Variants in CYP46A1 observed in about 807,000 individuals in gnomAD.
CYP46A1 encodes the protein cytochrome P450 family 46 subfamily A member 1.
Under a neutral mutation model 63.3 loss-of-function variants are expected in CYP46A1, and 20 were observed. The ratio of observed to expected loss-of-function variants is 0.32; its 90% CI spans 0.22 to 0.46. The LOEUF (loss-of-function observed/expected upper bound fraction) is 0.46, where lower values mean the gene tolerates loss of function less well. Among genes scored for constraint, CYP46A1 ranks in the 20% least tolerant of loss-of-function variants. The pLI, the probability that CYP46A1 is intolerant of heterozygous loss-of-function variation, is 1.00. For synonymous variants in CYP46A1, 268 were observed against 273.6 expected (o/e 0.98, Z 0.20); for missense variants, 445 against 670.8 (o/e 0.66, Z 3.72).
In CYP46A1 at chr14:99,726,738, AG is replaced by A. The variant is rs1457771071; in HGVS notation, c.*13del. 12 of 1,505,016 alleles carry A rather than the reference AG, an allele frequency of 8.0e-6. No homozygotes were observed. Among genetic ancestry groups the A allele is most frequent in the Non-Finnish European group, 1.1e-5 (12 of 1,123,914 alleles). The allele number at this position is 1,505,016 out of a possible 1,614,324, so 93.2% of individuals were successfully genotyped here. ...CCACCCCCCTGCTGAGGGGGCCTCC[AG>A]GCAGGACGAGACTCCTCGGGCAAGG... On this transcript the variant is annotated 3_prime_UTR_variant, in exon 15 of 15. Transcript: ENST00000261835.
intron 1 of CYP46A1, among the ~76,000 whole-genome samples, chr14:99,688,917 T>A (rs2056519634): frequency 6.6e-6 from 1 of 152,126 alleles, no homozygotes; most frequent in Admixed American, 6.6e-5. Flanking sequence ...TCCCGCATCC[T>A]CCTCTGGCTT....
intron 5 of CYP46A1, among the ~76,000 whole-genome samples, chr14:99,702,715 A>G (rs916698133): frequency 3.3e-5 from 5 of 152,058 alleles, no homozygotes; most frequent in African/African-American, 9.7e-5. Flanking sequence ...TATTTTTTAT[A>G]TAGTACATAT....
intron 5 of CYP46A1, among the ~76,000 whole-genome samples, chr14:99,704,699 C>T (rs997787870): frequency 1.2e-4 from 18 of 152,172 alleles, no homozygotes; most frequent in Non-Finnish European, 2.4e-4. Flanking sequence ...TTTAAAAAGA[C>T]AACTACAAAT....
intron 10 of CYP46A1, among the ~76,000 whole-genome samples, chr14:99,720,227 C>T (rs1478724848): frequency 6.6e-6 from 1 of 152,112 alleles, no homozygotes; most frequent in East Asian, 1.9e-4. Context: ...TAAGTCCCTG[C>T]TTTCAGTTGT....
At chr14:99,685,705 T>C (rs1306836986) in intron 1 of CYP46A1, among the ~76,000 whole-genome samples, 1 of 152,028 alleles carries the variant, frequency 6.6e-6, no homozygotes, top group Non-Finnish European at 1.5e-5. Context: ...ACAAGCCAGA[T>C]GTACTGGCGT....
rs2056857402 is a variant in CYP46A1, at chr14:99,722,606, C to A, written c.1176+540C>A. ...ATATAGTCACTCCCTGCTCCGCTGA[C>A]AAGGAATCACTAATCTGAATTGTGT... On this transcript the variant is annotated intron_variant, in intron 12 of 14. Coordinates refer to ENST00000261835, the MANE Select transcript of CYP46A1 (RefSeq NM_006668.2). The surrounding 1 kb of genome is among the most constrained non-coding windows in gnomAD (Gnocchi z 4.6). Among the ~76,000 whole-genome samples, 1 of 150,238 alleles carries A rather than the reference C, an allele frequency of 6.7e-6. No individual in the cohort carries two copies. Among genetic ancestry groups the A allele is most frequent in the Admixed American group, 6.7e-5 (1 of 14,976 alleles).
At position 99,721,311 on chromosome 14, in the gene CYP46A1, G is replaced by A. The variant is rs370665505; in HGVS notation, c.1053G>A (p.Gln351=). 21 of 1,611,292 alleles carry A rather than the reference G, an allele frequency of 1.3e-5. No homozygotes were observed. The African/African-American group carries it at 2.7e-4, about 20-fold the overall frequency. The part of the protein sequence containing the change: ...YLDFEDLGRL[Q]YLSQVLKESL... ...ATTTCGAGGACCTGGGGAGACTGCA[G>A]TACCTGTCCCAGGTGTGGGAAGTAG... The change falls in exon 11 of 15, where the codon CAG becomes CAA. Residue 351 remains glutamine, a synonymous_variant. Coordinates refer to ENST00000261835, the MANE Select transcript of CYP46A1 (RefSeq NM_006668.2).
chr14:99,702,831 TATTA>T (rs1282792363), intron 5 of CYP46A1, among the ~76,000 whole-genome samples: 1 of 152,228 alleles, frequency 6.6e-6, no homozygotes, highest in African/African-American at 2.4e-5. Flanking sequence ...AAATTAATAA[TATTA>T]ATCTAATACT....
At chr14:99,726,338 C>T (rs907624362) in intron 14 of CYP46A1, 82 bp downstream of exon 14, 16 of 1,470,538 alleles carry the variant, frequency 1.1e-5, no homozygotes, top group South Asian at 1.1e-4. Context: ...CATCTCCGAA[C>T]CCCTGCTCTG....
intron 3 of CYP46A1, chr14:99,695,494 G>T: frequency 2.6e-6 from 1 of 378,352 alleles, no homozygotes; most frequent in Non-Finnish European, 5.3e-6. Context: ...CATTTAGGAT[G>T]GATTTGTCTT....
At chr14:99,693,363 C>T (rs577808011) in intron 3 of CYP46A1, 90 of 152,252 alleles carry the variant, frequency 5.9e-4, no homozygotes, top group African/African-American at 2.1e-3. Flanking sequence ...TAAAAGCATG[C>T]TACCAAAAAC....
At position 99,716,594 on chromosome 14, in the gene CYP46A1, G is replaced by A. The variant is rs539203082; in HGVS notation, c.907+395G>A. 1.4e-4 allele frequency among the ~76,000 whole-genome samples: 21 copies of A among 152,342 alleles called. No individual in the cohort carries two copies. In the East Asian group the frequency reaches 1.7e-3, roughly 13 times the overall value. On this transcript the variant is annotated intron_variant, in intron 9 of 14. Transcript: ENST00000261835. ...TCACCTAGAAGACTCCTCTTCAGCCGTCAGTGAGCCCTCGCATGCCTCCTC... is the reference window on the plus strand; with the variant it reads ...TCACCTAGAAGACTCCTCTTCAGCCATCAGTGAGCCCTCGCATGCCTCCTC...
At chr14:99,699,903 A>T in intron 4 of CYP46A1, 112 bp from the exon 5 acceptor site, 4 of 744,422 alleles carry the variant, frequency 5.4e-6, no homozygotes, top group South Asian at 1.8e-5. Context: ...AACCGTCGCC[A>T]CCGCCTAGCT....
At chr14:99,698,335 C>G (rs115769425) in intron 3 of CYP46A1, among the ~76,000 whole-genome samples, 1 of 152,086 alleles carries the variant, frequency 6.6e-6, no homozygotes, top group Admixed American at 6.5e-5. Context: ...CCCCTCTCTC[C>G]GCAGCAAATT....
chr14:99,721,019 G>A (rs367711083), intron 10 of CYP46A1, among the ~76,000 whole-genome samples: 2 of 151,702 alleles, frequency 1.3e-5, no homozygotes, highest in South Asian at 4.2e-4. Flanking sequence ...CTGGGGGGAG[G>A]GCGGAGGTTG....
intron 1 of CYP46A1, among the ~76,000 whole-genome samples, chr14:99,687,215 A>G (rs1244952901): frequency 6.6e-6 from 1 of 152,196 alleles, no homozygotes; most frequent in East Asian, 1.9e-4. Context: ...GATCCCACAC[A>G]AACACCTGTA....
At chr14:99,699,954 A>G (rs1249313240) in intron 4 of CYP46A1, 61 bp from the exon 5 acceptor site, 9 of 919,590 alleles carry the variant, frequency 9.8e-6, no homozygotes, top group Non-Finnish European at 1.7e-6. Flanking sequence ...CCCCAAGCCC[A>G]TCAAGCAGTC....
chr14:99,692,198 G>T (rs1047961814), intron 3 of CYP46A1, among the ~76,000 whole-genome samples: 1 of 152,144 alleles, frequency 6.6e-6, no homozygotes, highest in African/African-American at 2.4e-5. Flanking sequence ...TATCTCCAGG[G>T]CTATGATAAG....
Position 99,721,318 on chromosome 14 carries a change from T to G in CYP46A1, c.1060T>G (p.Ser354Ala). 1 of 1,607,316 alleles carries G rather than the reference T, an allele frequency of 6.2e-7. No homozygotes were observed. Among genetic ancestry groups the G allele is most frequent in the Non-Finnish European group, 8.5e-7 (1 of 1,173,866 alleles). The change falls in exon 11 of 15, where the codon TCC becomes GCC. Residue 354 changes from serine (S) to alanine (A), a missense_variant. Ser to Ala is a moderately conservative substitution (Grantham distance 99). Transcript: ENST00000261835. ...FEDLGRLQYL[S>A]QVLKESLRLY... is the part of the protein sequence containing the mutation. ...GGACCTGGGGAGACTGCAGTACCTG[T>G]CCCAGGTGTGGGAAGTAGGAGGGAA...
Sources: allele counts gnomAD v4.1 joint callset (sites outside exome capture counted in the v4.1 genomes callset), GRCh38; gene constraint gnomAD v4.1.1; non-coding constraint Gnocchi (gnomAD v3.1); transcripts MANE v1.5; gene names NCBI Gene and HGNC (gene_info 2026-07-23, HGNC 2026-07-21).